Variants in PTPRG observed in about 807,000 individuals in gnomAD.
The protein encoded by PTPRG is receptor-type tyrosine-protein phosphatase gamma.
Under a neutral mutation model 165.3 loss-of-function variants are expected in PTPRG, and 102 were observed. That is an observed-to-expected ratio of 0.62 (90% CI 0.53 to 0.73). The LOEUF (loss-of-function observed/expected upper bound fraction) is 0.73, where lower values mean the gene tolerates loss of function less well. PTPRG is among the 30% of genes least tolerant of loss of function. PTPRG has a pLI of 0.00. For missense variants in PTPRG, 1,866 were observed against 1,861.4 expected (o/e 1.00, Z -0.05); for synonymous variants, 675 against 669.5 (o/e 1.01, Z -0.13).
At chr3:62,220,225 C>G (rs1700619508) in intron 13 of PTPRG, among the ~76,000 whole-genome samples, 1 of 152,234 alleles carries the variant, frequency 6.6e-6, no homozygotes, top group Non-Finnish European at 1.5e-5. Context: ...TCGGGTCATG[C>G]TGCACAGCCT....
intron 2 of PTPRG, among the ~76,000 whole-genome samples, chr3:61,971,483 A>G (rs947962256): frequency 1.3e-5 from 2 of 152,228 alleles, no homozygotes; most frequent in African/African-American, 2.4e-5. Flanking sequence ...GCCGGAATCA[A>G]ATTCTACTTA....
At chr3:61,791,551 T>C (rs1207649707) in intron 2 of PTPRG, among the ~76,000 whole-genome samples, 1 of 152,140 alleles carries the variant, frequency 6.6e-6, no homozygotes, top group Non-Finnish European at 1.5e-5. Flanking sequence ...GCAGTGGTGC[T>C]ATCTCGGGTA....
At chr3:61,695,946 G>C (rs2030562779) in intron 1 of PTPRG, among the ~76,000 whole-genome samples, 1 of 152,148 alleles carries the variant, frequency 6.6e-6, no homozygotes, top group Non-Finnish European at 1.5e-5. Flanking sequence ...GAGTGAATGA[G>C]TATGTTGGCA....
At chr3:62,089,297 T>C (rs549243497) in intron 5 of PTPRG, among the ~76,000 whole-genome samples, 1 of 152,336 alleles carries the variant, frequency 6.6e-6, no homozygotes, top group East Asian at 1.9e-4. Flanking sequence ...TTTTACATGA[T>C]GTGATGGCAA....
intron 2 of PTPRG, among the ~76,000 whole-genome samples, chr3:61,789,873 C>T (rs548209609): frequency 1.2e-4 from 19 of 152,300 alleles, no homozygotes; most frequent in African/African-American, 4.6e-4. Flanking sequence ...AAACCTAGTC[C>T]TCTAATCTGG....
chr3:61,995,084 C>CTTTTTTTTTTTTTTTTT (rs761499179), intron 3 of PTPRG, among the ~76,000 whole-genome samples: 1 of 35,396 alleles, frequency 2.8e-5, no homozygotes, highest in African/African-American at 1.1e-4. Context: ...TTCTTTCTTT[C>CTTTTTTTTTTTTTTTTT]TTTTTTTTTT....
At chr3:62,144,195 G>GT (rs1483990818) in intron 6 of PTPRG, among the ~76,000 whole-genome samples, 1 of 152,204 alleles carries the variant, frequency 6.6e-6, no homozygotes, top group African/African-American at 2.4e-5. Flanking sequence ...TAAAGAAAAA[G>GT]TTTGTCAATC....
intron 2 of PTPRG, among the ~76,000 whole-genome samples, chr3:61,791,028 G>A (rs912709633): frequency 3.9e-5 from 6 of 152,066 alleles, no homozygotes; most frequent in African/African-American, 1.2e-4. Flanking sequence ...TAAAGATGTC[G>A]GTTAACAGTT....
chr3:61,581,933 G>A (rs1168926676), intron 1 of PTPRG, among the ~76,000 whole-genome samples: 4 of 151,576 alleles, frequency 2.6e-5, no homozygotes, highest in African/African-American at 9.7e-5. Flanking sequence ...ATCTTGGCAT[G>A]TACTGTACTC....
intron 6 of PTPRG, among the ~76,000 whole-genome samples, chr3:62,142,231 T>A (rs2106645381): frequency 6.6e-6 from 1 of 152,054 alleles, no homozygotes; most frequent in Admixed American, 6.6e-5. Flanking sequence ...CTTCAAAACA[T>A]GAGAAAACCC....
chr3:61,739,607 C>T (rs1374027895), intron 1 of PTPRG, among the ~76,000 whole-genome samples: 2 of 152,176 alleles, frequency 1.3e-5, no homozygotes, highest in East Asian at 3.8e-4. Context: ...ATGTAAGTAA[C>T]ATACCTTTTC....
At chr3:61,587,325 T>C (rs2106812822) in intron 1 of PTPRG, among the ~76,000 whole-genome samples, 1 of 152,352 alleles carries the variant, frequency 6.6e-6, no homozygotes, top group Admixed American at 6.5e-5. Flanking sequence ...CCTTCTCAGG[T>C]TCTCCAAATG....
At chr3:62,050,487 C>A (rs1236464158) in intron 4 of PTPRG, among the ~76,000 whole-genome samples, 1 of 152,208 alleles carries the variant, frequency 6.6e-6, no homozygotes, top group African/African-American at 2.4e-5. Context: ...CAGTGCACTT[C>A]TCAGAACATA....
At chr3:61,837,293 C>T (rs1385761645) in intron 2 of PTPRG, among the ~76,000 whole-genome samples, 1 of 152,194 alleles carries the variant, frequency 6.6e-6, no homozygotes, top group Non-Finnish European at 1.5e-5. Context: ...AGTGATCTGC[C>T]TGCCACAGCC....
At chr3:61,995,666 G>C (rs1455214656) in intron 3 of PTPRG, among the ~76,000 whole-genome samples, 1 of 125,632 alleles carries the variant, frequency 8.0e-6, no homozygotes. Context: ...TAGGCTTTCC[G>C]CCTGCCTGCC....
chr3:61,675,555 C>A (rs1055521054), intron 1 of PTPRG, among the ~76,000 whole-genome samples: 5 of 152,130 alleles, frequency 3.3e-5, no homozygotes, highest in Admixed American at 6.5e-5. Flanking sequence ...TTTTTTCCCC[C>A]TATTATGTAT....
rs1701504543 is a variant in PTPRG, at chr3:62,254,973, A to G, written c.2468-151A>G. ...ATCCTAATGTAAAATAAATTCTGAG[A>G]CTTTTCTTCAGGACATCTATTTTGT... On this transcript the variant is annotated intron_variant, in intron 15 of 29. Transcript: ENST00000474889. This position sits in a 1 kb window ranked among gnomAD's most constrained non-coding sequence, Gnocchi z 4.6. The G allele has an allele frequency of 3.5e-6, 2 of 578,664 alleles. No individual in the cohort carries two copies. Among genetic ancestry groups the G allele is most frequent in the Non-Finnish European group, 5.9e-6 (2 of 340,358 alleles). 35.8% of individuals were successfully genotyped at this position (578,664 alleles called of 1,614,324 possible).
chr3:61,581,264 G>A (rs1700286740), intron 1 of PTPRG, among the ~76,000 whole-genome samples: 1 of 152,292 alleles, frequency 6.6e-6, no homozygotes, highest in African/African-American at 2.4e-5. Flanking sequence ...GTTTGTTTTT[G>A]TCTTTCTTTC....
intron 2 of PTPRG, among the ~76,000 whole-genome samples, chr3:61,907,203 T>C (rs2038678662): frequency 1.3e-5 from 2 of 152,068 alleles, no homozygotes. Flanking sequence ...TGATAACTAC[T>C]GGCCTGGTTC....
Sources: allele counts gnomAD v4.1 joint callset (sites outside exome capture counted in the v4.1 genomes callset), GRCh38; gene constraint gnomAD v4.1.1; non-coding constraint Gnocchi (gnomAD v3.1); transcripts MANE v1.5; gene names NCBI Gene and HGNC (gene_info 2026-07-23, HGNC 2026-07-21).